NKAIN2: variants seen among roughly 807,000 people sequenced by gnomAD.
NKAIN2 encodes sodium/potassium-transporting ATPase subunit beta-1-interacting protein 2.
A neutral mutation model predicts 32.6 loss-of-function variants in NKAIN2; 14 were observed. That is an observed-to-expected ratio of 0.43 (90% CI 0.28 to 0.67). The LOEUF is 0.67. Among genes scored for constraint, NKAIN2 ranks in the 30% least tolerant of loss-of-function variants. The pLI is 0.17. For missense variants in NKAIN2, 198 were observed against 258.3 expected (o/e 0.77, Z 1.60); for synonymous variants, 80 against 87.2 (o/e 0.92, Z 0.46).
intron 3 of NKAIN2, among the ~76,000 whole-genome samples, chr6:124,559,834 ATTTTTTTTT>A (rs55701016): frequency 4.1e-5 from 3 of 73,762 alleles, no homozygotes; most frequent in East Asian, 4.8e-4. Context: ...GAAATAAACC[ATTTTTTTTT>A]TTTTTTTTTT....
intron 3 of NKAIN2, among the ~76,000 whole-genome samples, chr6:124,458,465 T>C (rs1165716006): frequency 6.6e-6 from 1 of 151,932 alleles, no homozygotes; most frequent in Non-Finnish European, 1.5e-5. Flanking sequence ...CTCTCTGCTG[T>C]TGGATCTGTA....
intron 2 of NKAIN2, among the ~76,000 whole-genome samples, chr6:124,338,036 A>G (rs1013717326): frequency 2.0e-5 from 3 of 152,208 alleles, no homozygotes; most frequent in African/African-American, 7.2e-5. Flanking sequence ...ATAATTAAAT[A>G]TATGGTTAAT....
At chr6:124,415,047 A>G (rs1583216561) in intron 3 of NKAIN2, among the ~76,000 whole-genome samples, 1 of 152,140 alleles carries the variant, frequency 6.6e-6, no homozygotes, top group East Asian at 1.9e-4. Flanking sequence ...CTGTGAGCAA[A>G]TATTTGGGGA....
intron 3 of NKAIN2, among the ~76,000 whole-genome samples, chr6:124,360,419 T>G (rs918887203): frequency 6.6e-6 from 1 of 152,150 alleles, no homozygotes; most frequent in Non-Finnish European, 1.5e-5. Context: ...CAGTGTACAT[T>G]CATATTGAAA....
At chr6:124,129,744 A>C (rs541755299) in intron 1 of NKAIN2, among the ~76,000 whole-genome samples, 38 of 152,054 alleles carry the variant, frequency 2.5e-4, no homozygotes, top group Non-Finnish European at 5.1e-4. Context: ...CAGCCTGCCA[A>C]GTAGCTGGGA....
At chr6:123,826,495 C>A (rs1261877940) in intron 1 of NKAIN2, among the ~76,000 whole-genome samples, 1 of 152,066 alleles carries the variant, frequency 6.6e-6, no homozygotes, top group African/African-American at 2.4e-5. Context: ...GAAACCCTTT[C>A]CCATTGAACA....
chr6:124,698,469 C>A (rs1774611213), intron 4 of NKAIN2, among the ~76,000 whole-genome samples: 1 of 152,084 alleles, frequency 6.6e-6, no homozygotes, highest in African/African-American at 2.4e-5. Flanking sequence ...AATACCATGT[C>A]ATGAAGTACC....
chr6:124,399,707 A>G (rs950435897), intron 3 of NKAIN2, among the ~76,000 whole-genome samples: 2 of 152,238 alleles, frequency 1.3e-5, no homozygotes, highest in Admixed American at 6.5e-5. Flanking sequence ...TTAGCGAAGC[A>G]GAGGATAGAA....
chr6:124,077,959 T>G (rs1783770583), intron 1 of NKAIN2, among the ~76,000 whole-genome samples: 1 of 152,160 alleles, frequency 6.6e-6, no homozygotes, highest in Non-Finnish European at 1.5e-5. Context: ...GTTTAGGGAA[T>G]TATTTAAAAT....
chr6:124,819,246 C>A, intron 6 of NKAIN2: 1 of 257,302 alleles, frequency 3.9e-6, no homozygotes, highest in Non-Finnish European at 6.1e-6. Flanking sequence ...TGTCCTCCAC[C>A]ATTGAATCAT....
At chr6:123,891,818 A>C (rs1408598891) in intron 1 of NKAIN2, among the ~76,000 whole-genome samples, 1 of 152,216 alleles carries the variant, frequency 6.6e-6, no homozygotes, top group East Asian at 1.9e-4. Context: ...TTCTTGCTTT[A>C]CTTTTTTTGA....
intron 1 of NKAIN2, among the ~76,000 whole-genome samples, chr6:123,908,243 A>G (rs984130235): frequency 6.6e-6 from 1 of 152,126 alleles, no homozygotes; most frequent in African/African-American, 2.4e-5. Context: ...AATAATAATA[A>G]TAAAAATCTG....
chr6:124,697,392 A>C (rs1774547404), intron 4 of NKAIN2, among the ~76,000 whole-genome samples: 1 of 152,212 alleles, frequency 6.6e-6, no homozygotes, highest in African/African-American at 2.4e-5. Context: ...CTAGTGGCTC[A>C]TTAACCATGT....
intron 3 of NKAIN2, among the ~76,000 whole-genome samples, chr6:124,517,175 G>A (rs1778945791): frequency 6.6e-6 from 1 of 152,088 alleles, no homozygotes. Flanking sequence ...AGTCACAGGT[G>A]ATGCAACTAA....
intron 1 of NKAIN2, among the ~76,000 whole-genome samples, chr6:124,072,176 C>A (rs1206968010): frequency 1.3e-5 from 2 of 152,068 alleles, no homozygotes; most frequent in Admixed American, 1.3e-4. Flanking sequence ...TCCTTTGCAG[C>A]CACATGGATG....
chr6:123,930,538 T>A (rs1776206516), intron 1 of NKAIN2, among the ~76,000 whole-genome samples: 1 of 152,160 alleles, frequency 6.6e-6, no homozygotes. Flanking sequence ...AGATGAAAAA[T>A]CACCTTTAAA....
chr6:124,369,304 T>G (rs1233898449), intron 3 of NKAIN2, among the ~76,000 whole-genome samples: 2 of 152,172 alleles, frequency 1.3e-5, no homozygotes, highest in East Asian at 3.9e-4. Flanking sequence ...ACATTTGCAT[T>G]AAGAGTTCCA....
chr6:124,029,527 A>G (rs1781309941), intron 1 of NKAIN2, among the ~76,000 whole-genome samples: 1 of 152,152 alleles, frequency 6.6e-6, no homozygotes, highest in Admixed American at 6.6e-5. Flanking sequence ...AATCCAGCAA[A>G]CATTTATTGG....
At chr6:124,501,446 GAA>G (rs936581930) in intron 3 of NKAIN2, among the ~76,000 whole-genome samples, 1 of 151,716 alleles carries the variant, frequency 6.6e-6, no homozygotes, top group Non-Finnish European at 1.5e-5. Flanking sequence ...GGGAAAGAAA[GAA>G]AAAAAACAAA....
Sources: allele counts gnomAD v4.1 joint callset (sites outside exome capture counted in the v4.1 genomes callset), GRCh38; gene constraint gnomAD v4.1.1; transcripts MANE v1.5; gene names NCBI Gene and HGNC (gene_info 2026-07-23, HGNC 2026-07-21).